SUCLG2: variants seen among roughly 807,000 people sequenced by gnomAD.
SUCLG2 encodes succinate--CoA ligase [GDP-forming] subunit beta, mitochondrial.
Under a neutral mutation model 47.9 loss-of-function variants are expected in SUCLG2, and 42 were observed. The ratio of observed to expected loss-of-function variants is 0.88; its 90% CI spans 0.69 to 1.14. The LOEUF (loss-of-function observed/expected upper bound fraction) is 1.14. Ranked by LOEUF, SUCLG2 falls within the 50% of genes most tolerant of loss-of-function variation. The pLI, the probability that SUCLG2 is intolerant of heterozygous loss-of-function variation, is 0.00. For synonymous variants in SUCLG2, 195 were observed against 197.3 expected, an observed-to-expected ratio of 0.99 and a Z score of 0.10; for missense variants, 571 against 525.9, an observed-to-expected ratio of 1.09 and a Z score of -0.84.
At chr3:67,526,387 G>C (rs1706256186) in intron 4 of SUCLG2, among the ~76,000 whole-genome samples, 1 of 152,174 alleles carries the variant, frequency 6.6e-6, no homozygotes, top group East Asian at 1.9e-4. Context: ...GTGGCCTGTG[G>C]GCCGTGGGTT....
chr3:67,652,319 T>C (rs1472639846), intron 1 of SUCLG2, among the ~76,000 whole-genome samples: 1 of 152,244 alleles, frequency 6.6e-6, no homozygotes, highest in South Asian at 2.1e-4. Flanking sequence ...CTTTTATTTC[T>C]GTACAGACAA....
chr3:67,550,063 T>C (rs557968611), intron 2 of SUCLG2, among the ~76,000 whole-genome samples: 12 of 152,290 alleles, frequency 7.9e-5, no homozygotes, highest in South Asian at 4.1e-4. Context: ...ACGGGCAAAA[T>C]TGACACTTCT....
chr3:67,419,508 T>C (rs1480883837), intron 9 of SUCLG2, among the ~76,000 whole-genome samples: 1 of 152,218 alleles, frequency 6.6e-6, no homozygotes, highest in Non-Finnish European at 1.5e-5. Context: ...GAAGGTCTTT[T>C]ATGAATGTGC....
chr3:67,403,275 T>C (rs550474678), intron 9 of SUCLG2, among the ~76,000 whole-genome samples: 1 of 152,314 alleles, frequency 6.6e-6, no homozygotes, highest in African/African-American at 2.4e-5. Context: ...TCCTCTTACC[T>C]TCCTCTCCCC....
chr3:67,508,205 G>T (rs997140762), intron 7 of SUCLG2, among the ~76,000 whole-genome samples: 14 of 152,084 alleles, frequency 9.2e-5, no homozygotes, highest in Non-Finnish European at 1.3e-4. Context: ...CTTTACCAAG[G>T]TGATATAAAT....
chr3:67,594,479 T>C (rs1004200378), intron 2 of SUCLG2, among the ~76,000 whole-genome samples: 2 of 152,230 alleles, frequency 1.3e-5, no homozygotes, highest in Non-Finnish European at 1.5e-5. Context: ...CCAGTTCTCA[T>C]GACTGGCTCG....
intron 2 of SUCLG2, among the ~76,000 whole-genome samples, chr3:67,562,771 T>C (rs1575780435): frequency 6.6e-6 from 1 of 152,278 alleles, no homozygotes; most frequent in South Asian, 2.1e-4. Context: ...TTTTTATAAA[T>C]TGCCTCAATA....
chr3:67,520,624 G>C lies in SUCLG2; in HGVS notation c.428C>G (p.Ala143Gly), dbSNP rs780963880. Residue 143 changes from alanine to glycine, a missense_variant, in exon 5 of 11, where the codon GCT (alanine) becomes GGT (glycine). Transcript: ENST00000307227. ...TTCTCTGGAAATATCCAAGGCTTCAGCAACCATCACCTACCACATTAGTGG... is the reference window on the plus strand; with the variant it reads ...TTCTCTGGAAATATCCAAGGCTTCACCAACCATCACCTACCACATTAGTGG... Reference protein sequence around the residue: ...EGVKVNKVMVAEALDISRETY... With the variant: ...EGVKVNKVMVGEALDISRETY... 5.0e-6 allele frequency: 8 copies of C among 1,611,666 alleles called. No individual in the cohort carries two copies. In the African/African-American group the frequency reaches 1.1e-4, roughly 22 times the overall value.
At chr3:67,372,561 G>A (rs377046047), downstream of SUCLG2, among the ~76,000 whole-genome samples, 9 of 152,190 alleles carry the variant, frequency 5.9e-5, no homozygotes, top group East Asian at 1.7e-3. Context: ...GAGCAGTTAG[G>A]AACAGCATAT....
At chr3:67,544,118 T>C (rs771855848) in intron 2 of SUCLG2, among the ~76,000 whole-genome samples, 39 of 152,354 alleles carry the variant, frequency 2.6e-4, no homozygotes, top group Middle Eastern at 3.4e-3. Flanking sequence ...CATTGCCTTT[T>C]GTAAACTTAA....
At chr3:67,583,360 A>G (rs1272239121) in intron 2 of SUCLG2, among the ~76,000 whole-genome samples, 1 of 152,154 alleles carries the variant, frequency 6.6e-6, no homozygotes, top group Non-Finnish European at 1.5e-5. Flanking sequence ...CTACAGGCCA[A>G]TTTCGGCTCA....
chr3:67,647,442 C>T (rs557424272), intron 1 of SUCLG2, among the ~76,000 whole-genome samples: 34 of 152,316 alleles, frequency 2.2e-4, no homozygotes, highest in South Asian at 1.0e-3. Context: ...AACACCATCC[C>T]CCAAAGCCCA....
chr3:67,414,434 T>C (rs1702992803), intron 9 of SUCLG2, among the ~76,000 whole-genome samples: 1 of 152,210 alleles, frequency 6.6e-6, no homozygotes, highest in African/African-American at 2.4e-5. Flanking sequence ...AGAGTGTTAA[T>C]TTTAATTGGA....
chr3:67,487,008 G>T (rs945782705), intron 9 of SUCLG2, among the ~76,000 whole-genome samples: 2 of 152,080 alleles, frequency 1.3e-5, no homozygotes, highest in Non-Finnish European at 2.9e-5. Context: ...AGCAAATAAT[G>T]ATCAACTATA....
chr3:67,453,360 C>A (rs534755936), intron 9 of SUCLG2, among the ~76,000 whole-genome samples: 9 of 152,246 alleles, frequency 5.9e-5, no homozygotes, highest in Admixed American at 1.3e-4. Flanking sequence ...CAGGCACCAA[C>A]AGATTTGATG....
At chr3:67,439,158 G>T (rs1703696267) in intron 9 of SUCLG2, among the ~76,000 whole-genome samples, 2 of 152,178 alleles carry the variant, frequency 1.3e-5, no homozygotes, top group Non-Finnish European at 2.9e-5. Flanking sequence ...CTCAATAGAT[G>T]CAGAAAAGAC....
chr3:67,428,940 A>T (rs4856785), intron 9 of SUCLG2, among the ~76,000 whole-genome samples: 28,829 of 152,172 alleles, frequency 0.19, 3,188 homozygotes, highest in Non-Finnish European at 0.25. Context: ...TCCAAGAAAT[A>T]TGGGACTATG....
At position 67,391,842 on chromosome 3, in the gene SUCLG2, G is replaced by C. The variant is rs559702199; in HGVS notation, c.1183+8889C>G. Among the ~76,000 whole-genome samples, 5 of 152,210 alleles carry C rather than the reference G, an allele frequency of 3.3e-5. No individual in the cohort carries two copies. The South Asian group carries it at 8.3e-4, about 25-fold the overall frequency. On this transcript the variant is annotated intron_variant, in intron 10 of 10. Transcript: ENST00000307227. ...GATTTAGGCATTCTCTCCGCTGCTCGTTTCCAACGTGTGTTCTGTACGGAG... is the reference window on the plus strand; with the variant it reads ...GATTTAGGCATTCTCTCCGCTGCTCCTTTCCAACGTGTGTTCTGTACGGAG...
chr3:67,438,542 T>C (rs987501779), intron 9 of SUCLG2, among the ~76,000 whole-genome samples: 5 of 150,596 alleles, frequency 3.3e-5, no homozygotes, highest in Non-Finnish European at 7.4e-5. Context: ...CAATGAAAAA[T>C]GATAAAAGGG....
Sources: gnomAD v4.1 joint callset for allele counts (sites outside exome capture counted in the v4.1 genomes callset) on GRCh38, gnomAD v4.1.1 for gene constraint, MANE v1.5 for transcripts, NCBI Gene and HGNC (gene_info 2026-07-23, HGNC 2026-07-21) for gene names.